RAB6A: variants seen among roughly 807,000 people sequenced by gnomAD.
The protein encoded by RAB6A is ras-related protein Rab-6A.
A neutral mutation model predicts 32.3 loss-of-function variants in RAB6A; 8 were observed. That is an observed-to-expected ratio of 0.25 (90% CI 0.15 to 0.45). The LOEUF is 0.45. RAB6A is among the 20% of genes least tolerant of loss of function. The probability of loss-of-function intolerance (pLI) is 1.00; values close to 1 mark genes in which losing one functional copy is unlikely to be tolerated. For missense variants in RAB6A, 104 were observed against 249.4 expected, an observed-to-expected ratio of 0.42 and a Z score of 3.93; for synonymous variants, 73 against 82.1, an observed-to-expected ratio of 0.89 and a Z score of 0.60.
Position 73,753,710 on chromosome 11 carries a change from G to GA in RAB6A, c.70+6855dup, listed in dbSNP as rs1316277900. ...TCGGTGACTGAGCGAGATTCCGTCT[G>GA]AAAAAAAAACAAAAAAACAAAAAAA... On this transcript the variant is annotated intron_variant, in intron 1 of 7. Transcript: ENST00000336083. 1.8e-3 allele frequency among the ~76,000 whole-genome samples: 258 copies of GA among 142,654 alleles called. 3 individuals are homozygous for GA. The East Asian group carries it at 0.048, about 27-fold the overall frequency. 93.6% of individuals were successfully genotyped at this position (142,654 alleles called of 152,430 possible). A position where few individuals can be genotyped will look rare whatever the true frequency, so the allele number is the denominator to read the frequency against.
chr11:73,705,137 C>G (rs1224185597), intron 6 of RAB6A, among the ~76,000 whole-genome samples: 2 of 152,178 alleles, frequency 1.3e-5, no homozygotes, highest in Non-Finnish European at 2.9e-5. Flanking sequence ...TATGAGACTA[C>G]TTAGGGTCAG....
chr11:73,715,169 C>A (rs1946034453), intron 5 of RAB6A, among the ~76,000 whole-genome samples: 1 of 152,014 alleles, frequency 6.6e-6, no homozygotes, highest in South Asian at 2.1e-4. Flanking sequence ...CTCTGTTGCC[C>A]AGGCTGGAGT....
Position 73,758,212 on chromosome 11 carries a change from T to C in RAB6A, c.70+2354A>G, listed in dbSNP as rs1946790684. 2.6e-5 allele frequency among the ~76,000 whole-genome samples: 4 copies of C among 152,206 alleles called. No individual in the cohort carries two copies. The South Asian group carries it at 6.2e-4, about 24-fold the overall frequency. ...ATCTTTCATTGTCAAAGCTAATGAA[T>C]GGCATTACTTGACAATATAGTAACC... is the stretch of plus-strand genomic sequence containing the variant. On this transcript the variant is annotated intron_variant, in intron 1 of 7. Transcript: ENST00000336083.
intron 6 of RAB6A, among the ~76,000 whole-genome samples, chr11:73,696,763 T>C (rs1010985549): frequency 2.6e-5 from 4 of 151,342 alleles, no homozygotes; most frequent in Non-Finnish European, 5.9e-5. Flanking sequence ...CACACCACCA[T>C]GCCTAGAATT....
chr11:73,760,469 AGGCGG>A (rs1353976435), intron 1 of RAB6A, 92 bp downstream of exon 1: 152 of 1,448,344 alleles, frequency 1.0e-4, no homozygotes, highest in Non-Finnish European at 1.4e-4. Flanking sequence ...CGCGGACGCG[AGGCGG>A]GCAGGGAGCC....
intron 2 of RAB6A, chr11:73,722,328 TATATATATATA>T (rs1946149912): frequency 2.8e-4 from 3 of 10,734 alleles, no homozygotes; most frequent in African/African-American, 9.1e-4. Context: ...TATATATATA[TATATATATATA>T]TATATTTTTT....
At chr11:73,732,363 G>A (rs1475957962) in intron 1 of RAB6A, among the ~76,000 whole-genome samples, 1 of 152,026 alleles carries the variant, frequency 6.6e-6, no homozygotes, top group East Asian at 2.0e-4. Flanking sequence ...GAGGCGGGCG[G>A]ATCACGAGGT....
chr11:73,684,949 A>C (rs1188266148), intron 6 of RAB6A, among the ~76,000 whole-genome samples: 1 of 152,244 alleles, frequency 6.6e-6, no homozygotes, highest in African/African-American at 2.4e-5. Flanking sequence ...TAAAAATAGT[A>C]GTTTGCTCTC....
At chr11:73,683,551 C>A (rs1484097620) in intron 6 of RAB6A, among the ~76,000 whole-genome samples, 2 of 150,206 alleles carry the variant, frequency 1.3e-5, no homozygotes, top group Non-Finnish European at 3.0e-5. Context: ...CACCACCGCA[C>A]CTGGTGGCAC....
At chr11:73,723,968 TAAATA>T (rs1946179729) in intron 2 of RAB6A, among the ~76,000 whole-genome samples, 1 of 152,194 alleles carries the variant, frequency 6.6e-6, no homozygotes, top group Non-Finnish European at 1.5e-5. Context: ...TTTAGTTACA[TAAATA>T]AAACACCACA....
intron 2 of RAB6A, among the ~76,000 whole-genome samples, chr11:73,721,970 A>G (rs1464253098): frequency 6.6e-6 from 1 of 152,156 alleles, no homozygotes; most frequent in East Asian, 1.9e-4. Flanking sequence ...TGATGGTTTT[A>G]TAAAAGGATT....
chr11:73,711,911 T>C (rs1028891998), intron 5 of RAB6A, among the ~76,000 whole-genome samples: 7 of 152,258 alleles, frequency 4.6e-5, no homozygotes, highest in African/African-American at 1.7e-4. Flanking sequence ...AAGAGCTATG[T>C]TACTTTCTCC....
chr11:73,730,856 G>C, intron 1 of RAB6A, 33 bp from the exon 2 acceptor site: 1 of 1,560,508 alleles, frequency 6.4e-7, no homozygotes, highest in Non-Finnish European at 8.7e-7. Context: ...TTTGCTCAGT[G>C]AACACATTAC....
chr11:73,720,786 T>C lies in RAB6A; in HGVS notation c.183+60A>G, dbSNP rs1365020032. The C allele has an allele frequency of 2.4e-6, 3 of 1,256,648 alleles. No individual in the cohort carries two copies. In the African/African-American group the frequency reaches 4.5e-5, roughly 19 times the overall value. The allele number at this position is 1,256,648 out of a possible 1,614,324, so 77.8% of individuals were successfully genotyped here. A position where few individuals can be genotyped will look rare whatever the true frequency, so the allele number is the denominator to read the frequency against. ...TTATGGTGACAATCATTGATAACTTTGATTGCAGTTTTCTAACCTGGAATG... is the reference window on the plus strand; with the variant it reads ...TTATGGTGACAATCATTGATAACTTCGATTGCAGTTTTCTAACCTGGAATG... On this transcript the variant is annotated intron_variant, in intron 3 of 7. Transcript: ENST00000336083.
chr11:73,754,918 T>C (rs1946723724), intron 1 of RAB6A, among the ~76,000 whole-genome samples: 1 of 151,432 alleles, frequency 6.6e-6, no homozygotes, highest in African/African-American at 2.4e-5. Flanking sequence ...GCAATGGGTT[T>C]ATTATTATTA....
At chr11:73,734,079 G>A (rs1402505022) in intron 1 of RAB6A, among the ~76,000 whole-genome samples, 1 of 152,020 alleles carries the variant, frequency 6.6e-6, no homozygotes, top group Admixed American at 6.6e-5. Context: ...CTTGTGAAGT[G>A]AAAAAAACTC....
intron 1 of RAB6A, among the ~76,000 whole-genome samples, chr11:73,760,341 G>A (rs1350778274): frequency 6.6e-6 from 1 of 152,176 alleles, no homozygotes; most frequent in Non-Finnish European, 1.5e-5. Context: ...CGGACTGCGG[G>A]GAACGGAGCC....
intron 1 of RAB6A, among the ~76,000 whole-genome samples, chr11:73,732,454 C>T (rs758183646): frequency 7.9e-5 from 12 of 152,182 alleles, no homozygotes; most frequent in African/African-American, 2.2e-4. Flanking sequence ...GGCGTGGTGG[C>T]GGGCACCTGT....
chr11:73,754,973 A>G (rs987871508), intron 1 of RAB6A, among the ~76,000 whole-genome samples: 6 of 151,774 alleles, frequency 4.0e-5, no homozygotes, highest in Admixed American at 6.6e-5. Flanking sequence ...CCCAGGCTGG[A>G]GTGCAATGGC....
Sources: gnomAD v4.1 joint callset for allele counts (sites outside exome capture counted in the v4.1 genomes callset) on GRCh38, gnomAD v4.1.1 for gene constraint, MANE v1.5 for transcripts, NCBI Gene and HGNC (gene_info 2026-07-23, HGNC 2026-07-21) for gene names.